RBM47: variants seen among roughly 807,000 people sequenced by gnomAD.
The protein encoded by RBM47 is RNA binding motif protein 47.
Under a neutral mutation model 47.1 loss-of-function variants are expected in RBM47, and 21 were observed. The ratio of observed to expected loss-of-function variants is 0.45; its 90% CI spans 0.32 to 0.64. The LOEUF is 0.64. Ranked by LOEUF, RBM47 falls within the 30% of genes least tolerant of loss-of-function variation. The probability of loss-of-function intolerance (pLI) is 0.05; values close to 1 mark genes in which losing one functional copy is unlikely to be tolerated. For missense variants in RBM47, 708 were observed against 870.9 expected (o/e 0.81, Z 2.35); for synonymous variants, 375 against 361.7 (o/e 1.04, Z -0.42).
At chr4:40,611,642 C>T (rs1044101647) in intron 1 of RBM47, among the ~76,000 whole-genome samples, 1 of 151,992 alleles carries the variant, frequency 6.6e-6, no homozygotes, top group African/African-American at 2.4e-5. Context: ...GCAGGAGAAT[C>T]GCTTGAACCC....
chr4:40,579,294 C>T (rs1359044859), intron 1 of RBM47, among the ~76,000 whole-genome samples: 14 of 151,186 alleles, frequency 9.3e-5, no homozygotes, highest in Admixed American at 2.6e-4. Flanking sequence ...TGGTGGCACG[C>T]GCCTGTAGTC....
chr4:40,441,854 T>C (rs898559796), intron 3 of RBM47, among the ~76,000 whole-genome samples: 2 of 152,246 alleles, frequency 1.3e-5, no homozygotes, highest in African/African-American at 4.8e-5. Flanking sequence ...TATTTTAAAA[T>C]AGCGATAGCT....
At chr4:40,448,120 C>T (rs944536686) in intron 3 of RBM47, among the ~76,000 whole-genome samples, 6 of 152,154 alleles carry the variant, frequency 3.9e-5, no homozygotes, top group Non-Finnish European at 5.9e-5. Flanking sequence ...TGCTTGAACC[C>T]GGGAGGCAGA....
rs181015429 is a variant in RBM47, at chr4:40,430,233, A to C, written c.1542+2418T>G. Among the ~76,000 whole-genome samples the C allele has an allele frequency of 7.3e-3, 855 of 116,882 alleles. 5 individuals are homozygous for C. The highest frequency in any genetic ancestry group is 0.01 in the Non-Finnish European group (583 of 57,504). The allele number at this position is 116,882 out of a possible 152,430, so 76.7% of individuals were successfully genotyped here. ...ACAAACAAACAAACAAACAAACAAAAAAAGACAAAAACAAACAAAAAAAAA... is the reference window on the plus strand; with the variant it reads ...ACAAACAAACAAACAAACAAACAAACAAAGACAAAAACAAACAAAAAAAAA... On this transcript the variant is annotated intron_variant, in intron 6 of 6. Transcript: ENST00000295971.
At chr4:40,594,349 G>A (rs1734561222) in intron 1 of RBM47, among the ~76,000 whole-genome samples, 1 of 152,224 alleles carries the variant, frequency 6.6e-6, no homozygotes, top group East Asian at 1.9e-4. Context: ...CTTTTGTACT[G>A]AGATAGCAAA....
chr4:40,505,467 C>T (rs543275130), intron 2 of RBM47, among the ~76,000 whole-genome samples: 1 of 123,996 alleles, frequency 8.1e-6, no homozygotes, highest in South Asian at 2.5e-4. Context: ...CACAGTAAGA[C>T]TTCATCTAAA....
chr4:40,571,555 C>T (rs1393743353), intron 1 of RBM47, among the ~76,000 whole-genome samples: 1 of 152,042 alleles, frequency 6.6e-6, no homozygotes, highest in Non-Finnish European at 1.5e-5. Context: ...CCTTTCTATT[C>T]TGACTCATGA....
intron 2 of RBM47, among the ~76,000 whole-genome samples, chr4:40,540,048 T>G (rs1728358250): frequency 6.6e-6 from 1 of 152,102 alleles, no homozygotes; most frequent in Middle Eastern, 3.2e-3. Flanking sequence ...ACTCCAAATG[T>G]TTTACTATTT....
At chr4:40,485,347 A>G (rs1720931842) in intron 2 of RBM47, among the ~76,000 whole-genome samples, 2 of 152,236 alleles carry the variant, frequency 1.3e-5, no homozygotes, top group Non-Finnish European at 2.9e-5. Context: ...AACTCTGGAA[A>G]GTCAGGATAA....
chr4:40,434,223 C>CT (rs373150129), intron 5 of RBM47, among the ~76,000 whole-genome samples: 1 of 152,292 alleles, frequency 6.6e-6, no homozygotes, highest in African/African-American at 2.4e-5. Flanking sequence ...TTAATCAAAT[C>CT]TTTTACCTGC....
At chr4:40,614,501 G>T (rs1225407778) in intron 1 of RBM47, among the ~76,000 whole-genome samples, 1 of 152,104 alleles carries the variant, frequency 6.6e-6, no homozygotes, top group African/African-American at 2.4e-5. Context: ...CTGGTCCAAA[G>T]ACCTGGTTTT....
chr4:40,437,073 C>CAAAAAAAAAAAAAAAAAA lies in RBM47; in HGVS notation c.1124-444_1124-427dup, dbSNP rs750922605. Among the ~76,000 whole-genome samples the CAAAAAAAAAAAAAAAAAA allele has an allele frequency of 5.6e-4, 12 of 21,288 alleles. 4 individuals carry two copies. The highest frequency in any genetic ancestry group is 1.1e-3 in the Admixed American group (2 of 1,788). The allele number at this position is 21,288 out of a possible 152,430, so 14.0% of individuals were successfully genotyped here. A position where few individuals can be genotyped will look rare whatever the true frequency, so the allele number is the denominator to read the frequency against. The stretch of plus-strand genomic sequence containing the variant: ...TGGGGAGCATGGTGAGACCCTGTCT[C>CAAAAAAAAAAAAAAAAAA]AAAAAAAAAAAAAAAAAATATATAT... On this transcript the variant is annotated intron_variant, in intron 4 of 6. Transcript: ENST00000295971.
chr4:40,529,447 C>G (rs1164639348), intron 2 of RBM47, among the ~76,000 whole-genome samples: 1 of 129,106 alleles, frequency 7.7e-6, no homozygotes, highest in Non-Finnish European at 1.5e-5. Flanking sequence ...ACCTGGGAGG[C>G]AGAAGCTGCA....
chr4:40,555,186 CT>C (rs1729961244), intron 1 of RBM47, among the ~76,000 whole-genome samples: 1 of 152,234 alleles, frequency 6.6e-6, no homozygotes, highest in East Asian at 1.9e-4. Flanking sequence ...ATCCACCCGC[CT>C]CAGACTCCCA....
chr4:40,568,057 G>A (rs952103294), intron 1 of RBM47, among the ~76,000 whole-genome samples: 5 of 151,708 alleles, frequency 3.3e-5, no homozygotes, highest in African/African-American at 9.7e-5. Flanking sequence ...AGGTTGCCAT[G>A]AGCTAACATC....
intron 2 of RBM47, among the ~76,000 whole-genome samples, chr4:40,504,716 TA>T (rs1425155924): frequency 2.0e-5 from 3 of 152,244 alleles, no homozygotes; most frequent in Non-Finnish European, 2.9e-5. Flanking sequence ...GCCTTGTTAA[TA>T]GAAATTAAAT....
chr4:40,449,634 G>A (rs1207306516), intron 3 of RBM47, among the ~76,000 whole-genome samples: 1 of 152,144 alleles, frequency 6.6e-6, no homozygotes, highest in Admixed American at 6.5e-5. Context: ...GAGATTTTCT[G>A]CAGGGGTTTG....
rs553269657 is a variant in RBM47 at position 40,590,529 on chromosome 4, G to A, written c.-240+38867C>T. Reference sequence around the variant, plus strand: ...TCTCATCTTGGACCCCAGTCTCCAAGCCTTAGACACATTGCCTCACCTGGT... The same window carrying A: ...TCTCATCTTGGACCCCAGTCTCCAAACCTTAGACACATTGCCTCACCTGGT... On this transcript the variant is annotated intron_variant, in intron 1 of 6. Coordinates refer to ENST00000295971, the MANE Select transcript of RBM47 (RefSeq NM_001098634.2). Among the ~76,000 whole-genome samples, 12 of 152,270 alleles carry A rather than the reference G, an allele frequency of 7.9e-5. No homozygotes were observed. In the South Asian group the frequency reaches 2.1e-3, roughly 26 times the overall value.
chr4:40,462,959 G>A (rs1036347533), intron 3 of RBM47, among the ~76,000 whole-genome samples: 2 of 152,106 alleles, frequency 1.3e-5, no homozygotes, highest in Non-Finnish European at 2.9e-5. Context: ...AAACTTAATC[G>A]AAATTAATAA....
Sources: gnomAD v4.1 joint callset for allele counts (sites outside exome capture counted in the v4.1 genomes callset) on GRCh38, gnomAD v4.1.1 for gene constraint, MANE v1.5 for transcripts, NCBI Gene and HGNC (gene_info 2026-07-23, HGNC 2026-07-21) for gene names.